TBC1D1: variants seen among roughly 807,000 people sequenced by gnomAD.
The protein encoded by TBC1D1 is TBC1 (tre-2/USP6, BUB2, cdc16) domain family, member 1.
In TBC1D1, 89 loss-of-function variants were observed where a neutral mutation model predicts 125.6. The ratio of observed to expected loss-of-function variants is 0.71; its 90% CI spans 0.60 to 0.85. The LOEUF (loss-of-function observed/expected upper bound fraction) is 0.85, where lower values mean the gene tolerates loss of function less well. Among genes scored for constraint, TBC1D1 ranks in the 40% least tolerant of loss-of-function variants. The probability of loss-of-function intolerance (pLI) is 0.00; values close to 1 mark genes in which losing one functional copy is unlikely to be tolerated. For synonymous variants in TBC1D1, 565 were observed against 564.1 expected (o/e 1.00, Z -0.02); for missense variants, 1,377 against 1,469.2 (o/e 0.94, Z 1.03).
At position 37,965,684 on chromosome 4, in the gene TBC1D1, C is replaced by T. The variant is rs138896535; in HGVS notation, c.418-48825C>T. ...GATCGGTGAGCAGATATGTTTAGTT[C>T]TACCTTGACCCTGAGCGAAGGCTGC... On this transcript the variant is annotated intron_variant, in intron 2 of 19. Transcript: ENST00000261439. Among the ~76,000 whole-genome samples, 582 of 152,246 alleles carry T rather than the reference C, an allele frequency of 3.8e-3. 3 individuals are homozygous for T. Among genetic ancestry groups the T allele is most frequent in the African/African-American group, 0.013 (557 of 41,534 alleles).
In TBC1D1 at chr4:38,137,279, G is replaced by A. The variant is rs542095382; in HGVS notation, c.3451G>A (p.Ala1151Thr). The change falls in exon 20 of 20, where the codon GCA (alanine) becomes ACA (threonine). Residue 1151 changes from alanine (A) to threonine (T), a missense_variant. By Grantham distance (58) the Ala-to-Thr change is moderately conservative. Transcript: ENST00000261439. ...GGTGGAGGAGCTGCGGCGGCGGAGC[G>A]CAGAGCCCAGCGACCGGGAGCCTGA... 38 of 1,611,578 alleles carry A rather than the reference G, an allele frequency of 2.4e-5. No homozygotes were observed. The highest frequency in any genetic ancestry group is 3.3e-5 in the South Asian group (3 of 90,978).
chr4:38,114,100 G>T (rs1357989599), intron 15 of TBC1D1, among the ~76,000 whole-genome samples: 1 of 152,152 alleles, frequency 6.6e-6, no homozygotes, highest in African/African-American at 2.4e-5. Context: ...GACCCCAGGA[G>T]CCCCTGCTTC....
chr4:38,007,747 C>T (rs1169834739), intron 2 of TBC1D1, among the ~76,000 whole-genome samples: 2 of 152,288 alleles, frequency 1.3e-5, no homozygotes, highest in East Asian at 3.9e-4. Flanking sequence ...CTGCGGTAAG[C>T]ATGGTAGGGA....
intron 2 of TBC1D1, among the ~76,000 whole-genome samples, chr4:37,928,364 C>A (rs959039369): frequency 6.6e-6 from 1 of 152,182 alleles, no homozygotes; most frequent in Non-Finnish European, 1.5e-5. Context: ...TTGTTTTACA[C>A]ACTTTTGGTA....
At chr4:38,086,257 T>G (rs541109935) in intron 12 of TBC1D1, among the ~76,000 whole-genome samples, 7 of 152,288 alleles carry the variant, frequency 4.6e-5, no homozygotes, top group African/African-American at 1.7e-4. Flanking sequence ...AATGGTGAGA[T>G]TTTAGCTCTG....
intron 12 of TBC1D1, among the ~76,000 whole-genome samples, chr4:38,088,981 A>G (rs183607065): frequency 2.3e-3 from 349 of 152,324 alleles, no homozygotes; most frequent in African/African-American, 8.0e-3. Context: ...ACATCCTCCT[A>G]TAATGCATAT....
chr4:37,977,612 C>A lies in TBC1D1; in HGVS notation c.418-36897C>A. ...AACATTTGTAACCTTCGGGCCGGGG[C>A]TGGGCCGGGCCGCTGGAGGCCAGGC... On this transcript the variant is annotated intron_variant, in intron 2 of 19. Transcript: ENST00000261439. This position sits in a 1 kb window ranked among gnomAD's most constrained non-coding sequence, Gnocchi z 4.3. The A allele has an allele frequency of 2.6e-6, 1 of 386,342 alleles. No individual in the cohort carries two copies. The highest frequency in any genetic ancestry group is 3.6e-6 in the Non-Finnish European group (1 of 276,272). The allele number at this position is 386,342 out of a possible 1,614,324, so 23.9% of individuals were successfully genotyped here.
At chr4:38,089,231 T>C (rs978898841) in intron 12 of TBC1D1, among the ~76,000 whole-genome samples, 3 of 152,242 alleles carry the variant, frequency 2.0e-5, no homozygotes, top group African/African-American at 7.2e-5. Context: ...TCCAGGCTAA[T>C]ATCTGCCTTC....
intron 3 of TBC1D1, among the ~76,000 whole-genome samples, chr4:38,017,944 A>G (rs934842370): frequency 2.0e-5 from 3 of 152,256 alleles, no homozygotes; most frequent in Admixed American, 6.5e-5. Flanking sequence ...CTCACATGTA[A>G]TATGTACTAA....
rs200739110 is a variant in TBC1D1, at chr4:38,093,529, T to G, written c.2237-2400T>G. Among the ~76,000 whole-genome samples, 4 of 96,972 alleles carry G rather than the reference T, an allele frequency of 4.1e-5. No individual in the cohort carries two copies. In the East Asian group the frequency reaches 2.1e-3, roughly 51 times the overall value. The allele number at this position is 96,972 out of a possible 152,430, so 63.6% of individuals were successfully genotyped here. On this transcript the variant is annotated intron_variant, in intron 13 of 19. Coordinates refer to ENST00000261439, the MANE Select transcript of TBC1D1 (RefSeq NM_015173.4). ...TCTGCAAGGCCGTTTTCCCCCCCCT[T>G]TTTTTTTTTTTTGAGACAGAGTTTT...
Position 38,083,934 on chromosome 4 carries a change from C to T in TBC1D1, c.2051-5998C>T, listed in dbSNP as rs972779617. On this transcript the variant is annotated intron_variant, in intron 12 of 19. Coordinates refer to ENST00000261439, the MANE Select transcript of TBC1D1 (RefSeq NM_015173.4). The stretch of plus-strand genomic sequence containing the variant: ...TTTCTTTATACCAAATGAATGTTGT[C>T]TTTTTTTTTTTTTTTTTTCTTGAGA... Among the ~76,000 whole-genome samples, 85 of 133,282 alleles carry T rather than the reference C, an allele frequency of 6.4e-4. 1 individual carries two copies. The South Asian group carries it at 0.016, about 25-fold the overall frequency. 87.4% of individuals were successfully genotyped at this position (133,282 alleles called of 152,430 possible).
chr4:37,993,871 C>T (rs1489460113), intron 2 of TBC1D1, among the ~76,000 whole-genome samples: 7 of 152,236 alleles, frequency 4.6e-5, no homozygotes, highest in Admixed American at 6.5e-5. Context: ...CGTGAGCCAC[C>T]GCGCCCGGCC....
rs749771206 is a variant in TBC1D1 at position 38,018,439 on chromosome 4, C to G, written c.968C>G (p.Ser323Cys). Reference sequence around the variant, plus strand: ...AATTTTAAGGAGATATCCTTTTGCTCTCAGGTAAATGGAGATGGGTTTTTT... The same window carrying G: ...AATTTTAAGGAGATATCCTTTTGCTGTCAGGTAAATGGAGATGGGTTTTTT... Residue 323 changes from serine to cysteine, a missense_variant, in exon 4 of 20, where the codon TCT becomes TGT. Ser to Cys is a moderately radical substitution (Grantham distance 112, BLOSUM62 -1). Around this residue, in one of 3 missense-constraint regions of TBC1D1, gnomAD observed 822 missense variants for 824.6 expected, o/e 1.00. Coordinates refer to ENST00000261439, the MANE Select transcript of TBC1D1 (RefSeq NM_015173.4). 6.3e-7 allele frequency: 1 copy of G among 1,599,658 alleles called. No individual in the cohort carries two copies. The highest frequency in any genetic ancestry group is 8.5e-7 in the Non-Finnish European group (1 of 1,170,638).
chr4:38,022,394 A>C (rs566780475), intron 6 of TBC1D1, among the ~76,000 whole-genome samples: 34 of 152,346 alleles, frequency 2.2e-4, no homozygotes, highest in African/African-American at 7.7e-4. Flanking sequence ...CACATATTGC[A>C]GATAAGTAAA....
chr4:38,089,760 C>T (rs926498324), intron 12 of TBC1D1, among the ~76,000 whole-genome samples, 172 bp from the exon 15 acceptor site: 3 of 152,198 alleles, frequency 2.0e-5, no homozygotes, highest in Non-Finnish European at 4.4e-5. Flanking sequence ...ATTTGTTTCA[C>T]GTTTGTGGCT....
At chr4:37,996,490 A>T (rs1456823159) in intron 2 of TBC1D1, among the ~76,000 whole-genome samples, 2 of 152,312 alleles carry the variant, frequency 1.3e-5, no homozygotes, top group Middle Eastern at 3.4e-3. Context: ...TTACTTGGTG[A>T]GTGTAGTTGA....
chr4:38,105,203 C>T (rs1761095845), intron 15 of TBC1D1, among the ~76,000 whole-genome samples: 1 of 152,186 alleles, frequency 6.6e-6, no homozygotes, highest in African/African-American at 2.4e-5. Flanking sequence ...TCACATTTCT[C>T]ATCATCACCG....
intron 6 of TBC1D1, among the ~76,000 whole-genome samples, chr4:38,024,604 T>C (rs1744704413): frequency 6.6e-6 from 1 of 152,244 alleles, no homozygotes; most frequent in South Asian, 2.1e-4. Context: ...GGTGGGGGTA[T>C]GTTTTACCTA....
At chr4:38,078,181 T>C (rs922040052) in intron 12 of TBC1D1, among the ~76,000 whole-genome samples, 7 of 152,206 alleles carry the variant, frequency 4.6e-5, no homozygotes, top group Non-Finnish European at 8.8e-5. Context: ...ACAAATCCCT[T>C]TCTGGCACCC....
Sources: gnomAD v4.1 joint callset for allele counts (sites outside exome capture counted in the v4.1 genomes callset) on GRCh38, gnomAD v4.1.1 for gene constraint, gnomAD v4.1.1 regional missense constraint, Gnocchi (gnomAD v3.1) non-coding constraint, MANE v1.5 for transcripts, NCBI Gene and HGNC (gene_info 2026-07-23, HGNC 2026-07-21) for gene names.